Variants in CSMD2 observed in about 807,000 individuals in gnomAD.
The protein encoded by CSMD2 is CUB and Sushi multiple domains 2.
A neutral mutation model predicts 398.5 loss-of-function variants in CSMD2; 130 were observed. That is an observed-to-expected ratio of 0.33 (90% CI 0.28 to 0.38). The LOEUF (loss-of-function observed/expected upper bound fraction) is 0.38, where lower values mean the gene tolerates loss of function less well. Ranked by LOEUF, CSMD2 falls within the 10% of genes least tolerant of loss-of-function variation. CSMD2 has a pLI of 1.00. For synonymous variants in CSMD2, 1,828 were observed against 1,908.5 expected, an observed-to-expected ratio of 0.96 and a Z score of 1.10; for missense variants, 3,829 against 4,764.9, an observed-to-expected ratio of 0.80 and a Z score of 5.78.
intron 10 of CSMD2, among the ~76,000 whole-genome samples, chr1:33,809,205 A>G (rs933428697): frequency 6.6e-6 from 1 of 152,054 alleles, no homozygotes; most frequent in African/African-American, 2.4e-5. Flanking sequence ...ATATTGACAC[A>G]AAAATTGGCA....
At chr1:33,587,218 T>C (rs1639147971) in intron 44 of CSMD2, 50 bp from the exon 45 acceptor site, 1 of 1,296,534 alleles carries the variant, frequency 7.7e-7, no homozygotes, top group African/African-American at 1.5e-5. Context: ...ATTCTCCAGG[T>C]ACACCGTCAT....
intron 1 of CSMD2, among the ~76,000 whole-genome samples, chr1:34,155,813 C>T (rs575751809): frequency 1.3e-5 from 2 of 152,374 alleles, no homozygotes; most frequent in East Asian, 1.9e-4. Context: ...TCTGGCTTCT[C>T]TTTGGACGCT....
chr1:33,757,883 G>T (rs576745128), intron 13 of CSMD2, among the ~76,000 whole-genome samples: 1 of 152,256 alleles, frequency 6.6e-6, no homozygotes, highest in South Asian at 2.1e-4. Context: ...ATTAAGTGGA[G>T]GCCCTCTTTC....
At chr1:33,746,787 T>C (rs1417335637) in intron 13 of CSMD2, among the ~76,000 whole-genome samples, 3 of 152,336 alleles carry the variant, frequency 2.0e-5, no homozygotes, top group Admixed American at 6.5e-5. Context: ...GAGTACCTAA[T>C]GGTTGAAACC....
At chr1:33,647,329 C>T (rs978674095) in intron 28 of CSMD2, among the ~76,000 whole-genome samples, 4 of 152,088 alleles carry the variant, frequency 2.6e-5, no homozygotes, top group African/African-American at 9.6e-5. Flanking sequence ...CAAGCCAGTG[C>T]TCCAGCTCTC....
chr1:33,820,893 C>T (rs1029659402), intron 7 of CSMD2, among the ~76,000 whole-genome samples: 1 of 152,236 alleles, frequency 6.6e-6, no homozygotes, highest in Admixed American at 6.5e-5. Context: ...TGGTGACCTC[C>T]CCCCACCACG....
At chr1:33,874,719 G>A (rs1419712095) in intron 5 of CSMD2, among the ~76,000 whole-genome samples, 3 of 152,036 alleles carry the variant, frequency 2.0e-5, no homozygotes, top group Admixed American at 6.5e-5. Flanking sequence ...CCAGCTCTTC[G>A]CCCACAGCTG....
At chr1:33,790,657 G>GTCTGTCTA (rs1473356229) in intron 11 of CSMD2, among the ~76,000 whole-genome samples, 2 of 120,280 alleles carry the variant, frequency 1.7e-5, no homozygotes. Context: ...TTTGCTGTTT[G>GTCTGTCTA]TCTGTCTATC....
chr1:33,699,298 A>C (rs767108266), intron 23 of CSMD2, among the ~76,000 whole-genome samples: 42 of 152,200 alleles, frequency 2.8e-4, no homozygotes, highest in Non-Finnish European at 2.1e-4. Context: ...TGGAGAAGTC[A>C]CTTTAAATGT....
intron 2 of CSMD2, among the ~76,000 whole-genome samples, chr1:34,070,964 C>T (rs1010597980): frequency 2.6e-5 from 4 of 152,160 alleles, no homozygotes; most frequent in Non-Finnish European, 5.9e-5. Context: ...TGCAGCTCTA[C>T]CAGCTTGCCA....
chr1:33,810,609 T>TAA (rs11418676), intron 10 of CSMD2, 134 bp downstream of exon 10: 15,665 of 716,922 alleles, frequency 0.022, 33 homozygotes, highest in African/African-American at 0.042. Flanking sequence ...TCGATATTAA[T>TAA]AAAAAAAAAA....
rs1320427291 is a variant in CSMD2 at position 33,951,781 on chromosome 1, T to C, written c.518-15827A>G. On this transcript the variant is annotated intron_variant, in intron 3 of 70. Coordinates refer to ENST00000373381, the MANE Select transcript of CSMD2 (RefSeq NM_001281956.2). ...TGGACTCAGCCATCTGTCCAGGTTTTCCTCCCGCTACTTCCATCCCTACCA... is the reference window on the plus strand; with the variant it reads ...TGGACTCAGCCATCTGTCCAGGTTTCCCTCCCGCTACTTCCATCCCTACCA... 2.6e-5 allele frequency among the ~76,000 whole-genome samples: 4 copies of C among 152,310 alleles called. No homozygotes were observed. In the East Asian group the frequency reaches 5.8e-4, roughly 22 times the overall value.
At chr1:33,951,145 A>G (rs1288630064) in intron 3 of CSMD2, among the ~76,000 whole-genome samples, 1 of 152,226 alleles carries the variant, frequency 6.6e-6, no homozygotes, top group East Asian at 1.9e-4. Context: ...CCAGTCTGTT[A>G]GCACACATCT....
intron 11 of CSMD2, among the ~76,000 whole-genome samples, chr1:33,790,460 C>A (rs1027949189): frequency 2.6e-5 from 4 of 152,192 alleles, no homozygotes; most frequent in Admixed American, 2.0e-4. Flanking sequence ...CATCAGCTCA[C>A]TTCTGGCTTT....
chr1:34,110,728 C>T (rs962759813), intron 1 of CSMD2, among the ~76,000 whole-genome samples: 21 of 152,036 alleles, frequency 1.4e-4, no homozygotes, highest in African/African-American at 4.8e-4. Flanking sequence ...GAGCAACATA[C>T]ACGAGGGACT....
rs55936483 is a variant in CSMD2 at position 34,135,616 on chromosome 1, C to CAAAAAAAAAAAAAAAAAAAAAAAAAAAA, written c.187+29294_187+29295insTTTTTTTTTTTTTTTTTTTTTTTTTTTT. Among the ~76,000 whole-genome samples, 2 of 82,618 alleles carry CAAAAAAAAAAAAAAAAAAAAAAAAAAAA rather than the reference C, an allele frequency of 2.4e-5. 1 individual carries two copies. 54.2% of individuals were successfully genotyped at this position (82,618 alleles called of 152,430 possible). ...CTGGCAACAAAGCAAGACTCCATCT[C>CAAAAAAAAAAAAAAAAAAAAAAAAAAAA]AAAAAAAAAAAAAAAAAAAAAAAAA... On this transcript the variant is annotated intron_variant, in intron 1 of 70. Coordinates refer to ENST00000373381, the MANE Select transcript of CSMD2 (RefSeq NM_001281956.2).
At chr1:33,916,551 G>A (rs1279080485) in intron 5 of CSMD2, among the ~76,000 whole-genome samples, 3 of 152,100 alleles carry the variant, frequency 2.0e-5, no homozygotes, top group Non-Finnish European at 2.9e-5. Flanking sequence ...AGAGCAGGTT[G>A]TCCTCACTCA....
chr1:33,714,782 A>G lies in CSMD2; in HGVS notation c.3218-7T>C. On this transcript the variant is annotated splice_region_variant and splice_polypyrimidine_tract_variant and intron_variant, in intron 20 of 70. Coordinates refer to ENST00000373381, the MANE Select transcript of CSMD2 (RefSeq NM_001281956.2). ...CAGGGCTCCAAGTCGTACTCTGGAA[A>G]GGTAGCAGGAGATCCGGGCTCAGAG... The G allele has an allele frequency of 6.2e-7, 1 of 1,613,284 alleles. No individual in the cohort carries two copies. Among genetic ancestry groups the G allele is most frequent in the Non-Finnish European group, 8.5e-7 (1 of 1,179,392 alleles).
At chr1:33,908,760 C>T (rs766306009) in intron 5 of CSMD2, among the ~76,000 whole-genome samples, 57 of 152,338 alleles carry the variant, frequency 3.7e-4, no homozygotes, top group African/African-American at 1.1e-3. Context: ...TTCACTCCTC[C>T]GGACACATTT....
Sources: gnomAD v4.1 joint callset for allele counts (sites outside exome capture counted in the v4.1 genomes callset) on GRCh38, gnomAD v4.1.1 for gene constraint, MANE v1.5 for transcripts, NCBI Gene and HGNC (gene_info 2026-07-23, HGNC 2026-07-21) for gene names.